FHIT: variants seen among roughly 807,000 people sequenced by gnomAD.
FHIT encodes bis(5'-adenosyl)-triphosphatase.
Under a neutral mutation model 17.9 loss-of-function variants are expected in FHIT, and 19 were observed. That is an observed-to-expected ratio of 1.06 (90% CI 0.74 to 1.56). The LOEUF (loss-of-function observed/expected upper bound fraction) is 1.56. Among genes scored for constraint, FHIT ranks in the 40% most tolerant of loss-of-function variants. The pLI is 0.00. For missense variants in FHIT, 248 were observed against 189.2 expected, an observed-to-expected ratio of 1.31 and a Z score of -1.82; for synonymous variants, 81 against 69.7, an observed-to-expected ratio of 1.16 and a Z score of -0.81.
rs191127940 is a variant in FHIT, at chr3:60,249,733, G to A, written c.104-235581C>T. ...ACACACACACACACGGGAGAAGGGG[G>A]AAGGAAAAAGAGGGAGAGTGTATTA... On this transcript the variant is annotated intron_variant, in intron 5 of 9. Transcript: ENST00000492590. Among the ~76,000 whole-genome samples, 231 of 98,696 alleles carry A rather than the reference G, an allele frequency of 2.3e-3. 1 individual carries two copies. The highest frequency in any genetic ancestry group is 0.022 in the Middle Eastern group (4 of 186). 64.7% of individuals were successfully genotyped at this position (98,696 alleles called of 152,430 possible). A position where few individuals can be genotyped will look rare whatever the true frequency, so the allele number is the denominator to read the frequency against.
chr3:59,972,375 T>C (rs1159238057), intron 7 of FHIT, among the ~76,000 whole-genome samples: 1 of 152,072 alleles, frequency 6.6e-6, no homozygotes, highest in Non-Finnish European at 1.5e-5. Context: ...CTGTGAAGCT[T>C]GGTTCACTAG....
At chr3:60,443,601 C>G (rs1163474146) in intron 5 of FHIT, among the ~76,000 whole-genome samples, 1 of 152,120 alleles carries the variant, frequency 6.6e-6, no homozygotes, top group Non-Finnish European at 1.5e-5. Flanking sequence ...GTTGAACCAG[C>G]CTTGCATCCC....
chr3:60,958,226 A>G (rs1393737989), intron 3 of FHIT, among the ~76,000 whole-genome samples: 1 of 152,200 alleles, frequency 6.6e-6, no homozygotes, highest in African/African-American at 2.4e-5. Context: ...ATATACCTGT[A>G]TTGATATAGA....
intron 8 of FHIT, among the ~76,000 whole-genome samples, chr3:59,908,917 C>T (rs1704727122): frequency 6.8e-6 from 1 of 147,864 alleles, no homozygotes; most frequent in Non-Finnish European, 1.5e-5. Context: ...ACCTCAGACA[C>T]AGCAAGAGTT....
At chr3:60,953,585 C>T (rs76737903) in intron 3 of FHIT, among the ~76,000 whole-genome samples, 10 of 152,156 alleles carry the variant, frequency 6.6e-5, no homozygotes, top group African/African-American at 2.2e-4. Flanking sequence ...CCTTTTATCA[C>T]GTGGTCTATC....
chr3:60,086,426 A>G lies in FHIT; in HGVS notation c.104-72274T>C, dbSNP rs143178896. Among the ~76,000 whole-genome samples the G allele has an allele frequency of 2.2e-3, 340 of 152,316 alleles. 2 individuals are homozygous for G. The highest frequency in any genetic ancestry group is 1.8e-3 in the Non-Finnish European group (120 of 68,026). On this transcript the variant is annotated intron_variant, in intron 5 of 9. Coordinates refer to ENST00000492590, the MANE Select transcript of FHIT (RefSeq NM_002012.4). ...TGTGAAATACAATTGTTTCATCTCAATAGTCCCAAAAGTCTTAACTCATTT... is the reference window on the plus strand; with the variant it reads ...TGTGAAATACAATTGTTTCATCTCAGTAGTCCCAAAAGTCTTAACTCATTT...
chr3:60,413,906 T>C (rs1702154038), intron 5 of FHIT, among the ~76,000 whole-genome samples: 1 of 152,236 alleles, frequency 6.6e-6, no homozygotes, highest in African/African-American at 2.4e-5. Flanking sequence ...TTAGGGGATA[T>C]ATTGGTGAAT....
chr3:60,432,418 GA>G (rs536423266), intron 5 of FHIT, among the ~76,000 whole-genome samples: 46 of 152,062 alleles, frequency 3.0e-4, no homozygotes, highest in Non-Finnish European at 4.7e-4. Context: ...AGCTCTGAGG[GA>G]ACATGCTTCC....
At chr3:60,370,018 T>C (rs1700258726) in intron 5 of FHIT, among the ~76,000 whole-genome samples, 1 of 152,248 alleles carries the variant, frequency 6.6e-6, no homozygotes, top group Non-Finnish European at 1.5e-5. Context: ...ATATCTGTAT[T>C]ATCCTAATAG....
At chr3:60,451,667 C>T (rs974265062) in intron 5 of FHIT, among the ~76,000 whole-genome samples, 3 of 151,948 alleles carry the variant, frequency 2.0e-5, no homozygotes, top group Non-Finnish European at 2.9e-5. Context: ...TCATTTTGCA[C>T]AAAGATAACT....
chr3:60,446,603 C>G (rs1191138054), intron 5 of FHIT, among the ~76,000 whole-genome samples: 2 of 152,020 alleles, frequency 1.3e-5, no homozygotes, highest in Non-Finnish European at 2.9e-5. Flanking sequence ...ACCTGTGATC[C>G]CAACACTTTG....
chr3:60,993,360 C>T (rs1335943614), intron 3 of FHIT, among the ~76,000 whole-genome samples: 1 of 152,210 alleles, frequency 6.6e-6, no homozygotes, highest in East Asian at 1.9e-4. Context: ...CGTCTTGGCA[C>T]TGCCTGAAAC....
At chr3:61,194,058 T>G (rs9812794) in intron 2 of FHIT, among the ~76,000 whole-genome samples, 47,394 of 111,388 alleles carry the variant, frequency 0.43, 8,447 homozygotes, top group East Asian at 0.59. Flanking sequence ...GTGGGGGTGG[T>G]GGTGGGGATC....
chr3:60,529,978 C>G (rs1161227898), intron 5 of FHIT, among the ~76,000 whole-genome samples: 1 of 152,084 alleles, frequency 6.6e-6, no homozygotes, highest in African/African-American at 2.4e-5. Flanking sequence ...ACTCTACAGC[C>G]TTTATGCAAT....
At chr3:60,265,741 A>G (rs1706541594) in intron 5 of FHIT, among the ~76,000 whole-genome samples, 2 of 151,936 alleles carry the variant, frequency 1.3e-5, no homozygotes, top group African/African-American at 4.8e-5. Context: ...TAAATAGATG[A>G]TTCAAATTTT....
rs1974441 is a variant in FHIT, at chr3:60,614,824, T to G, written c.-17-77845A>C. ...TGCAAAAGTTGTTTTTTTTTTGTTT[T>G]TTTTTTGTTTTTTTTTTGTTTTTTG... On this transcript the variant is annotated intron_variant, in intron 4 of 9. Coordinates refer to ENST00000492590, the MANE Select transcript of FHIT (RefSeq NM_002012.4). 7.0e-5 allele frequency among the ~76,000 whole-genome samples: 6 copies of G among 85,944 alleles called. 1 individual carries two copies. The highest frequency in any genetic ancestry group is 1.2e-4 in the Non-Finnish European group (4 of 32,202). The allele number at this position is 85,944 out of a possible 152,430, so 56.4% of individuals were successfully genotyped here.
chr3:59,983,636 T>C (rs1708754604), intron 7 of FHIT, among the ~76,000 whole-genome samples: 1 of 152,132 alleles, frequency 6.6e-6, no homozygotes, highest in African/African-American at 2.4e-5. Context: ...GTATTCCCTT[T>C]AGATAAGGCG....
intron 8 of FHIT, among the ~76,000 whole-genome samples, chr3:59,866,438 T>C (rs981149873): frequency 1.3e-5 from 2 of 152,134 alleles, no homozygotes; most frequent in African/African-American, 4.8e-5. Context: ...TGGGTGTCAT[T>C]GTGTAGTGGT....
At chr3:61,125,099 T>C (rs1349519669) in intron 2 of FHIT, among the ~76,000 whole-genome samples, 1 of 152,142 alleles carries the variant, frequency 6.6e-6, no homozygotes, top group South Asian at 2.1e-4. Flanking sequence ...AAAAGAAAGG[T>C]TTTTCCCTTA....
Sources: gnomAD v4.1 joint callset for allele counts (sites outside exome capture counted in the v4.1 genomes callset) on GRCh38, gnomAD v4.1.1 for gene constraint, MANE v1.5 for transcripts, NCBI Gene and HGNC (gene_info 2026-07-23, HGNC 2026-07-21) for gene names.